MYH14: variants seen among roughly 807,000 people sequenced by gnomAD.
The protein encoded by MYH14 is myosin-14.
A neutral mutation model predicts 255.5 loss-of-function variants in MYH14; 123 were observed. The observed-to-expected ratio is 0.48, with a 90% confidence interval of 0.42 to 0.56. The LOEUF (loss-of-function observed/expected upper bound fraction) is 0.56. MYH14 is among the 20% of genes least tolerant of loss of function. The pLI is 0.00. For missense variants in MYH14, 2,423 were observed against 2,802.3 expected, an observed-to-expected ratio of 0.86 and a Z score of 3.06; for synonymous variants, 1,095 against 1,161.2, an observed-to-expected ratio of 0.94 and a Z score of 1.16.
At chr19:50,300,142 G>A (rs1174242062) in intron 39 of MYH14, among the ~76,000 whole-genome samples, 1 of 152,122 alleles carries the variant, frequency 6.6e-6, no homozygotes, top group Non-Finnish European at 1.5e-5. Flanking sequence ...ATTAGGAGTA[G>A]TGCATGAAAG....
intron 24 of MYH14, 121 bp downstream of exon 24, chr19:50,268,488 T>A (rs2035178033): frequency 9.9e-6 from 11 of 1,109,464 alleles, no homozygotes; most frequent in Non-Finnish European, 1.4e-5. Context: ...CAGTTCTAAG[T>A]GAATTTGCAA....
chr19:50,235,112 C>T (rs1014779534), intron 10 of MYH14, among the ~76,000 whole-genome samples: 3 of 152,190 alleles, frequency 2.0e-5, no homozygotes. Context: ...TGGCTCACGC[C>T]TGTAATCCCA....
Position 50,271,369 on chromosome 19 carries a change from T to C in MYH14, c.3034-40T>C, listed in dbSNP as rs375761067. ...ATCCTTCCCCATCACACTCCATCTA[T>C]TGGCCCAGTATCCTCACTCCTCCTG... On this transcript the variant is annotated intron_variant, in intron 24 of 42. Transcript: ENST00000642316. 6 of 1,578,484 alleles carry C rather than the reference T, an allele frequency of 3.8e-6. No homozygotes were observed. In the African/African-American group the frequency reaches 6.8e-5, roughly 18 times the overall value.
intron 3 of MYH14, among the ~76,000 whole-genome samples, chr19:50,218,155 C>A (rs1372994238): frequency 6.6e-6 from 1 of 151,904 alleles, no homozygotes; most frequent in African/African-American, 2.4e-5. Flanking sequence ...CACCACTGCG[C>A]CTGGCTAAGA....
rs1252994745 is a variant in MYH14, at chr19:50,250,463, G to A, written c.1657-52G>A. ...GAGCTAAAAATCAGCAGCCACCTGA[G>A]TGTCCAATATGTGGGGATCTGACTT... On this transcript the variant is annotated intron_variant, in intron 14 of 42. Transcript: ENST00000642316. This position sits in a 1 kb window ranked among gnomAD's most constrained non-coding sequence, Gnocchi z 5.4. 1.9e-6 allele frequency: 3 copies of A among 1,562,650 alleles called. No individual in the cohort carries two copies. The highest frequency in any genetic ancestry group is 1.4e-5 in the African/African-American group (1 of 73,680).
chr19:50,301,133 A>G (rs2036467956), intron 39 of MYH14, among the ~76,000 whole-genome samples: 1 of 152,122 alleles, frequency 6.6e-6, no homozygotes, highest in South Asian at 2.1e-4. Flanking sequence ...GTGTTTACAC[A>G]TTTTCCACGT....
rs369365296 is a variant in MYH14, at chr19:50,223,515, CA to C, written c.693+167del. On this transcript the variant is annotated intron_variant, in intron 5 of 42. Transcript: ENST00000642316. ...CCTGGGGTGGGGCTGGAAGCAGAGT[CA>C]GGGGGACACAGAGGTGTGAGGGTCA... is the stretch of plus-strand genomic sequence containing the variant. The C allele has an allele frequency of 1.2e-3, 792 of 648,862 alleles. 9 individuals are homozygous for C. Among genetic ancestry groups the C allele is most frequent in the African/African-American group, 0.011 (640 of 56,162 alleles). The allele number at this position is 648,862 out of a possible 1,614,324, so 40.2% of individuals were successfully genotyped here.
rs1266135095 is a variant in MYH14, at chr19:50,247,588, C to T, written c.1329+466C>T. Among the ~76,000 whole-genome samples, 3 of 152,002 alleles carry T rather than the reference C, an allele frequency of 2.0e-5. No individual in the cohort carries two copies. In the South Asian group the frequency reaches 6.2e-4, roughly 32 times the overall value. On this transcript the variant is annotated intron_variant, in intron 12 of 42. Coordinates refer to ENST00000642316, the MANE Select transcript of MYH14 (RefSeq NM_001145809.2). ...ATCCTAGAAAAACAAAAAACAAAAACCCAGGATGCTTTTAGATGGTGAGAG... is the reference window on the plus strand; with the variant it reads ...ATCCTAGAAAAACAAAAAACAAAAATCCAGGATGCTTTTAGATGGTGAGAG...
At chr19:50,248,739 T>C (rs1410521515) in intron 12 of MYH14, among the ~76,000 whole-genome samples, 2 of 152,150 alleles carry the variant, frequency 1.3e-5, no homozygotes, top group Admixed American at 1.3e-4. Flanking sequence ...TAGAAACTGC[T>C]TTGAGGGGGT....
chr19:50,266,537 C>T lies in MYH14; in HGVS notation c.2695-340C>T, dbSNP rs1333569827. On this transcript the variant is annotated intron_variant, in intron 22 of 42. Transcript: ENST00000642316. The surrounding 1 kb of genome is among the most constrained non-coding windows in gnomAD (Gnocchi z 4.1). ...TCCCACCACTGCACTCCAGCCTGGG[C>T]GAGAGAGCAAGACTCTGTCGAAAGG... 3.3e-5 allele frequency among the ~76,000 whole-genome samples: 5 copies of T among 151,618 alleles called. No homozygotes were observed. Among genetic ancestry groups the T allele is most frequent in the South Asian group, 2.1e-4 (1 of 4,792 alleles).
chr19:50,306,280 C>CA (rs936615844), intron 40 of MYH14, among the ~76,000 whole-genome samples: 11 of 150,948 alleles, frequency 7.3e-5, no homozygotes, highest in Non-Finnish European at 1.3e-4. Flanking sequence ...AACTCTGTCT[C>CA]AAAAAAAAAG....
rs776630032 is a variant in MYH14, at chr19:50,249,785, C to T, written c.1618C>T (p.Leu540Phe). The T allele has an allele frequency of 4.3e-5, 70 of 1,614,100 alleles. 2 individuals are homozygous for T. Among genetic ancestry groups the T allele is most frequent in the Non-Finnish European group, 5.3e-5 (63 of 1,180,050 alleles). ...GIPWTFLDFG[L>F]DLQPCIDLIE... ...CCCCTGGACCTTCCTCGACTTTGGC[C>T]TCGACCTGCAGCCCTGCATCGACCT... The change falls in exon 14 of 43, where the codon CTC becomes TTC. Residue 540 changes from leucine (L) to phenylalanine (F), a missense_variant. Transcript: ENST00000642316.
chr19:50,258,766 A>AAAC (rs61709177), intron 18 of MYH14: 3 of 165,348 alleles, frequency 1.8e-5, no homozygotes, highest in Admixed American at 6.4e-5. Flanking sequence ...ACAAACAAAA[A>AAAC]CCAAAAAAAC....
chr19:50,307,315 T>G (rs1408506817), intron 41 of MYH14, among the ~76,000 whole-genome samples, 158 bp downstream of exon 41: 1 of 152,104 alleles, frequency 6.6e-6, no homozygotes, highest in African/African-American at 2.4e-5. Context: ...ACTTGGCACA[T>G]CAGCAGAGGG....
intron 27 of MYH14, among the ~76,000 whole-genome samples, chr19:50,274,896 A>T (rs1460495437): frequency 6.7e-6 from 1 of 149,646 alleles, no homozygotes; most frequent in East Asian, 2.0e-4. Flanking sequence ...GTGCCACTGC[A>T]CTCTGGTCTA....
rs1416565150 is a variant in MYH14, at chr19:50,258,734, A to AC, written c.2233-410_2233-409insC. 117 of 152,492 alleles carry AC rather than the reference A, an allele frequency of 7.7e-4. 6 individuals are homozygous for AC. The highest frequency in any genetic ancestry group is 1.9e-3 in the African/African-American group (78 of 40,264). 9.4% of individuals were successfully genotyped at this position (152,492 alleles called of 1,614,324 possible). Reference sequence around the variant, plus strand: ...AAGACTCTGTCTCAAAAAAAAAAAAAAAAAAAAAAACGAACAAACAAACAA... The same window carrying AC: ...AAGACTCTGTCTCAAAAAAAAAAAAACAAAAAAAAAACGAACAAACAAACAA... On this transcript the variant is annotated intron_variant, in intron 18 of 42. Coordinates refer to ENST00000642316, the MANE Select transcript of MYH14 (RefSeq NM_001145809.2).
rs936653195 is a variant in MYH14, at chr19:50,261,718, G to A, written c.2585+83G>A. On this transcript the variant is annotated intron_variant, in intron 21 of 42. Coordinates refer to ENST00000642316, the MANE Select transcript of MYH14 (RefSeq NM_001145809.2). ...TTGACCAGATGGCTCTAGGTGTCAG[G>A]GCCTCCAGGATGGGTGCAGGGCTGA... 10 of 1,346,138 alleles carry A rather than the reference G, an allele frequency of 7.4e-6. No individual in the cohort carries two copies. The African/African-American group carries it at 1.0e-4, about 14-fold the overall frequency. The allele number at this position is 1,346,138 out of a possible 1,614,324, so 83.4% of individuals were successfully genotyped here.
Position 50,281,845 on chromosome 19 carries a change from G to A in MYH14, c.4539+3G>A. 6.2e-7 allele frequency: 1 copy of A among 1,607,958 alleles called. No homozygotes were observed. The highest frequency in any genetic ancestry group is 8.5e-7 in the Non-Finnish European group (1 of 1,175,920). ...AGAAGCAGCGCAAGTTTGACCAGGT[G>A]GGGCACCTCAGTTCACCCAGCCGGG... is the stretch of plus-strand genomic sequence containing the variant. On this transcript the variant is annotated splice_donor_region_variant and intron_variant, in intron 33 of 42. Transcript: ENST00000642316.
chr19:50,282,658 G>A (rs1454401465), intron 33 of MYH14, among the ~76,000 whole-genome samples: 4 of 152,016 alleles, frequency 2.6e-5, no homozygotes, highest in South Asian at 2.1e-4. Flanking sequence ...AGCCAAGATC[G>A]TGCCACTGCA....
Sources: allele counts gnomAD v4.1 joint callset (sites outside exome capture counted in the v4.1 genomes callset), GRCh38; gene constraint gnomAD v4.1.1; non-coding constraint Gnocchi (gnomAD v3.1); transcripts MANE v1.5; gene names NCBI Gene and HGNC (gene_info 2026-07-23, HGNC 2026-07-21).